The following SP100 variants were observed in gnomAD, a reference collection of about 807,000 sequenced individuals.
The protein encoded by SP100 is SP100 nuclear body protein, also known as nuclear autoantigen Sp-100.
Under a neutral mutation model 130.0 loss-of-function variants are expected in SP100, and 84 were observed. That is an observed-to-expected ratio of 0.65 (90% CI 0.54 to 0.77). The LOEUF (loss-of-function observed/expected upper bound fraction) is 0.77. Among genes scored for constraint, SP100 ranks in the 30% least tolerant of loss-of-function variants. The probability of loss-of-function intolerance (pLI) is 0.00; values close to 1 mark genes in which losing one functional copy is unlikely to be tolerated. For missense variants in SP100, 978 were observed against 1,052.2 expected (o/e 0.93, Z 0.97); for synonymous variants, 331 against 351.7 (o/e 0.94, Z 0.66).
At chr2:230,487,892 G>A (rs2066189543) in intron 17 of SP100, among the ~76,000 whole-genome samples, 1 of 152,034 alleles carries the variant, frequency 6.6e-6, no homozygotes, top group Non-Finnish European at 1.5e-5. Context: ...CCTTGAAGAG[G>A]TCCTTCACAT....
chr2:230,461,448 T>C, intron 9 of SP100, 34 bp downstream of exon 9: 1 of 1,610,948 alleles, frequency 6.2e-7, no homozygotes, highest in Non-Finnish European at 8.5e-7. Context: ...TAACTGTGAG[T>C]CACAGGTTAC....
intron 24 of SP100, among the ~76,000 whole-genome samples, chr2:230,529,687 C>G (rs1691604762): frequency 6.6e-6 from 1 of 152,210 alleles, no homozygotes. Context: ...ATCCCATCGT[C>G]TCAGCCCAAA....
At chr2:230,424,167 C>T (rs1036051876) in intron 2 of SP100, among the ~76,000 whole-genome samples, 1 of 152,138 alleles carries the variant, frequency 6.6e-6, no homozygotes, top group Admixed American at 6.6e-5. Context: ...TGCCAGCAGG[C>T]TGATACAGGT....
At chr2:230,537,197 T>C (rs978472751) in intron 24 of SP100, among the ~76,000 whole-genome samples, 1 of 152,130 alleles carries the variant, frequency 6.6e-6, no homozygotes, top group Non-Finnish European at 1.5e-5. Flanking sequence ...AAGTTGAGGC[T>C]GCAGTGAGCT....
At chr2:230,540,430 G>A (rs1304544432) in intron 25 of SP100, among the ~76,000 whole-genome samples, 2 of 152,216 alleles carry the variant, frequency 1.3e-5, no homozygotes, top group Non-Finnish European at 2.9e-5. Context: ...GGCCAAGGGA[G>A]AGGATGCCTA....
At chr2:230,466,488 A>C in intron 12 of SP100, 134 bp downstream of exon 12, 2 of 602,664 alleles carry the variant, frequency 3.3e-6, no homozygotes, top group Non-Finnish European at 5.9e-6. Flanking sequence ...AATTTGCTTT[A>C]AATTTCAATG....
At chr2:230,439,947 G>A (rs111893124) in intron 2 of SP100, among the ~76,000 whole-genome samples, 1,644 of 151,912 alleles carry the variant, frequency 0.011, 38 homozygotes, top group African/African-American at 0.038. Flanking sequence ...TGTTACATAA[G>A]GTTTTATAAG....
At chr2:230,516,722 A>T (rs1690932924) in intron 24 of SP100, among the ~76,000 whole-genome samples, 2 of 152,198 alleles carry the variant, frequency 1.3e-5, no homozygotes, top group South Asian at 4.1e-4. Context: ...GTTGACTTCA[A>T]ATGCTTGTAG....
At chr2:230,486,357 T>C (rs976474473) in intron 17 of SP100, among the ~76,000 whole-genome samples, 5 of 152,050 alleles carry the variant, frequency 3.3e-5, no homozygotes, top group Non-Finnish European at 7.4e-5. Flanking sequence ...ACAGGCCCTA[T>C]GTGTTCCCCT....
At chr2:230,465,567 A>G (rs1230862883) in intron 11 of SP100, among the ~76,000 whole-genome samples, 1 of 152,178 alleles carries the variant, frequency 6.6e-6, no homozygotes, top group African/African-American at 2.4e-5. Flanking sequence ...AAAGAAGGAA[A>G]CAGCAGATGC....
Position 230,450,236 on chromosome 2 carries a change from G to C in SP100, c.801G>C (p.Pro267=), listed in dbSNP as rs766727314. 6.2e-7 allele frequency: 1 copy of C among 1,612,874 alleles called. No homozygotes were observed. Among genetic ancestry groups the C allele is most frequent in the South Asian group, 1.1e-5 (1 of 91,000 alleles). ...NGDAGREMPC[P]LPCDEESPEA... Reference sequence around the variant, plus strand: ...ATGCTGGAAGGGAGATGCCCTGCCCGTTGCCCTGTGATGAAGAAAGTAATT... The same window carrying C: ...ATGCTGGAAGGGAGATGCCCTGCCCCTTGCCCTGTGATGAAGAAAGTAATT... Residue 267 remains proline, a synonymous_variant, in exon 8 of 29, where the codon CCG becomes CCC. Coordinates refer to ENST00000340126, the MANE Select transcript of SP100 (RefSeq NM_001080391.2).
intron 2 of SP100, among the ~76,000 whole-genome samples, chr2:230,428,758 T>C (rs1418081640): frequency 2.0e-5 from 3 of 152,088 alleles, no homozygotes; most frequent in African/African-American, 7.2e-5. Flanking sequence ...TGCTACACAC[T>C]TTTAAACTAG....
chr2:230,417,227 A>G (rs62192253), intron 1 of SP100, among the ~76,000 whole-genome samples: 9,201 of 152,126 alleles, frequency 0.06, 376 homozygotes, highest in South Asian at 0.11. Flanking sequence ...TACGTAATTT[A>G]TGTTCTTGAT....
chr2:230,469,169 T>C, intron 14 of SP100, 73 bp downstream of exon 14: 2 of 933,478 alleles, frequency 2.1e-6, no homozygotes, highest in South Asian at 3.0e-5. Context: ...ACTTTTTATG[T>C]TATATCCTTT....
At chr2:230,521,608 C>A (rs1185982541) in intron 24 of SP100, among the ~76,000 whole-genome samples, 1 of 152,200 alleles carries the variant, frequency 6.6e-6, no homozygotes, top group Non-Finnish European at 1.5e-5. Context: ...CTTGGCAATA[C>A]TTGTTGTCTC....
chr2:230,434,337 A>G (rs937765814), intron 2 of SP100, among the ~76,000 whole-genome samples: 2 of 152,166 alleles, frequency 1.3e-5, no homozygotes, highest in African/African-American at 2.4e-5. Context: ...GTTGAGGAGT[A>G]TGTGTTATTG....
intron 2 of SP100, among the ~76,000 whole-genome samples, chr2:230,435,682 A>G (rs1447759987): frequency 7.9e-5 from 12 of 152,172 alleles, no homozygotes; most frequent in Non-Finnish European, 1.6e-4. Flanking sequence ...TAAGACAAGC[A>G]TTCACTAGCT....
At chr2:230,491,448 G>A (rs917607771) in intron 17 of SP100, among the ~76,000 whole-genome samples, 1 of 152,230 alleles carries the variant, frequency 6.6e-6, no homozygotes, top group African/African-American at 2.4e-5. Flanking sequence ...TCTGGCTGTA[G>A]TAGGCCACAG....
chr2:230,429,225 A>G (rs961432017), intron 2 of SP100, among the ~76,000 whole-genome samples: 1 of 152,146 alleles, frequency 6.6e-6, no homozygotes, highest in Admixed American at 6.5e-5. Flanking sequence ...CAGGTATAAC[A>G]TTCTTGGTCA....
Sources: allele counts gnomAD v4.1 joint callset (sites outside exome capture counted in the v4.1 genomes callset), GRCh38; gene constraint gnomAD v4.1.1; transcripts MANE v1.5; gene names NCBI Gene and HGNC (gene_info 2026-07-23, HGNC 2026-07-21).